The following TOX variants were observed in gnomAD, a reference collection of about 807,000 sequenced individuals.
TOX encodes the protein thymocyte selection associated high mobility group box.
In TOX, 11 loss-of-function variants were observed where a neutral mutation model predicts 53.7. The observed-to-expected ratio is 0.20, with a 90% CI of 0.13 to 0.34. The LOEUF is 0.34. TOX is among the 10% of genes least tolerant of loss of function. TOX has a pLI of 1.00. For missense variants in TOX, 570 were observed against 664.6 expected, an observed-to-expected ratio of 0.86 and a Z score of 1.56; for synonymous variants, 225 against 245.3, an observed-to-expected ratio of 0.92 and a Z score of 0.77.
chr8:58,834,416 C>T (rs1211666341), intron 5 of TOX, among the ~76,000 whole-genome samples: 2 of 152,158 alleles, frequency 1.3e-5, no homozygotes, highest in African/African-American at 2.4e-5. Context: ...CTCGAATCTG[C>T]TCCAGGAACG....
intron 1 of TOX, among the ~76,000 whole-genome samples, chr8:58,966,689 CAAT>C (rs374008477): frequency 1.6e-4 from 24 of 151,946 alleles, no homozygotes; most frequent in Non-Finnish European, 2.8e-4. Context: ...CTGAAATTTT[CAAT>C]AATAATAATA....
intron 4 of TOX, among the ~76,000 whole-genome samples, chr8:58,843,276 T>C (rs1464096877): frequency 2.0e-5 from 3 of 152,232 alleles, no homozygotes; most frequent in Non-Finnish European, 4.4e-5. Flanking sequence ...ATCTAAAGGA[T>C]ACACATAAAA....
At chr8:59,109,506 TG>T (rs138021532) in intron 1 of TOX, among the ~76,000 whole-genome samples, 12 of 152,196 alleles carry the variant, frequency 7.9e-5, no homozygotes, top group African/African-American at 2.6e-4. Flanking sequence ...TTTGCTATGT[TG>T]ATTAGTGGGA....
intron 3 of TOX, among the ~76,000 whole-genome samples, chr8:58,859,175 A>AT (rs1341402027): frequency 1.3e-5 from 2 of 152,150 alleles, no homozygotes; most frequent in African/African-American, 4.8e-5. Context: ...TTATTTTAAG[A>AT]TTTTTGCTAT....
chr8:59,067,445 T>C (rs986039578), intron 1 of TOX, among the ~76,000 whole-genome samples: 1 of 151,946 alleles, frequency 6.6e-6, no homozygotes, highest in Non-Finnish European at 1.5e-5. Context: ...TCCCAGCTAC[T>C]TGGGGGGCTG....
At chr8:59,008,320 T>C (rs1326211086) in intron 1 of TOX, among the ~76,000 whole-genome samples, 5 of 152,262 alleles carry the variant, frequency 3.3e-5, no homozygotes, top group African/African-American at 1.2e-4. Flanking sequence ...TTTAAATCAC[T>C]GCTTGTATGA....
chr8:59,055,194 G>GT (rs1184469432), intron 1 of TOX, among the ~76,000 whole-genome samples: 1 of 152,078 alleles, frequency 6.6e-6, no homozygotes, highest in Admixed American at 6.5e-5. Context: ...ATATCAAAGG[G>GT]GGAGCTGTGC....
chr8:58,866,227 A>G (rs187080412), intron 3 of TOX, among the ~76,000 whole-genome samples: 4 of 152,340 alleles, frequency 2.6e-5, no homozygotes, highest in Admixed American at 6.5e-5. Flanking sequence ...TCTGTATTGT[A>G]AAAGAGTTGA....
intron 3 of TOX, among the ~76,000 whole-genome samples, chr8:58,885,023 T>C (rs1036622570): frequency 6.6e-6 from 1 of 152,148 alleles, no homozygotes; most frequent in African/African-American, 2.4e-5. Context: ...TACCTGTATT[T>C]GCAGGTACTA....
intron 1 of TOX, among the ~76,000 whole-genome samples, chr8:59,004,841 A>G (rs1200775120): frequency 6.6e-6 from 1 of 152,214 alleles, no homozygotes; most frequent in Non-Finnish European, 1.5e-5. Flanking sequence ...TTGTTACTAT[A>G]ACAAAACATA....
chr8:58,940,594 A>G (rs1344464389), intron 2 of TOX, among the ~76,000 whole-genome samples: 1 of 152,232 alleles, frequency 6.6e-6, no homozygotes, highest in Non-Finnish European at 1.5e-5. Flanking sequence ...TCGCAAGCTT[A>G]TCTTTCAAAT....
chr8:58,987,614 A>G (rs1437650362), intron 1 of TOX, among the ~76,000 whole-genome samples: 2 of 152,204 alleles, frequency 1.3e-5, no homozygotes, highest in African/African-American at 4.8e-5. Context: ...GACCACTGGA[A>G]CTCAGTTCTC....
intron 1 of TOX, among the ~76,000 whole-genome samples, chr8:59,062,417 T>C (rs2129422025): frequency 6.6e-6 from 1 of 152,252 alleles, no homozygotes; most frequent in East Asian, 1.9e-4. Flanking sequence ...TGAGAGAAGA[T>C]TACTCATAAA....
chr8:58,959,431 C>CAT (rs1812764328), intron 2 of TOX, among the ~76,000 whole-genome samples: 1 of 152,140 alleles, frequency 6.6e-6, no homozygotes, highest in South Asian at 2.1e-4. Context: ...TCAATCATAT[C>CAT]ATGTTTTTTG....
chr8:58,974,990 T>C (rs1191710672), intron 1 of TOX, among the ~76,000 whole-genome samples: 1 of 151,980 alleles, frequency 6.6e-6, no homozygotes, highest in Non-Finnish European at 1.5e-5. Flanking sequence ...GTACACAAAG[T>C]AGTTACATGT....
chr8:58,885,319 T>C (rs1173011081), intron 3 of TOX, among the ~76,000 whole-genome samples: 1 of 152,154 alleles, frequency 6.6e-6, no homozygotes, highest in Non-Finnish European at 1.5e-5. Context: ...TCTTTGGTAG[T>C]TTTCTTTCAT....
At chr8:59,025,934 A>G (rs1814228488) in intron 1 of TOX, among the ~76,000 whole-genome samples, 2 of 152,144 alleles carry the variant, frequency 1.3e-5, no homozygotes, top group Non-Finnish European at 2.9e-5. Flanking sequence ...TCAGTACTCA[A>G]AAAGGGTGAC....
At chr8:58,827,021 T>C in intron 5 of TOX, 119 bp from the exon 6 acceptor site, 2 of 511,156 alleles carry the variant, frequency 3.9e-6, no homozygotes, top group Middle Eastern at 6.0e-4. Flanking sequence ...AATATAATAA[T>C]ATATATCTCC....
intron 1 of TOX, among the ~76,000 whole-genome samples, chr8:59,087,447 A>G (rs1250298000): frequency 6.6e-6 from 1 of 152,190 alleles, no homozygotes; most frequent in Non-Finnish European, 1.5e-5. Flanking sequence ...ATACCAATAA[A>G]TATTCCTTTT....
Sources: allele counts gnomAD v4.1 joint callset (sites outside exome capture counted in the v4.1 genomes callset), GRCh38; gene constraint gnomAD v4.1.1; transcripts MANE v1.5; gene names NCBI Gene and HGNC (gene_info 2026-07-23, HGNC 2026-07-21).